Variants in WDR37 observed in about 807,000 individuals in gnomAD.
WDR37 encodes WD repeat-containing protein 37.
Under a neutral mutation model 62.9 loss-of-function variants are expected in WDR37, and 19 were observed. The ratio of observed to expected loss-of-function variants is 0.30; its 90% confidence interval spans 0.21 to 0.44. The LOEUF is 0.44. WDR37 is among the 20% of genes least tolerant of loss of function. The probability of loss-of-function intolerance (pLI) is 1.00; values close to 1 mark genes in which losing one functional copy is unlikely to be tolerated. For missense variants in WDR37, 474 were observed against 657.6 expected (o/e 0.72, Z 3.05); for synonymous variants, 250 against 260.9 (o/e 0.96, Z 0.40).
chr10:1,095,745 GC>G (rs1834554894), intron 8 of WDR37, among the ~76,000 whole-genome samples: 1 of 152,208 alleles, frequency 6.6e-6, no homozygotes, highest in Non-Finnish European at 1.5e-5. Flanking sequence ...GCTGATAGGT[GC>G]CTGGCCCATT....
chr10:1,058,266 G>T (rs1326854157), intron 1 of WDR37, among the ~76,000 whole-genome samples: 1 of 152,176 alleles, frequency 6.6e-6, no homozygotes, highest in Non-Finnish European at 1.5e-5. Context: ...CTCTAACATG[G>T]TGTTCATATC....
intron 11 of WDR37, among the ~76,000 whole-genome samples, chr10:1,108,529 C>T (rs1401238710): frequency 6.6e-6 from 1 of 152,220 alleles, no homozygotes; most frequent in African/African-American, 2.4e-5. Flanking sequence ...CGACACTATT[C>T]TATGGATGTT....
At chr10:1,112,301 C>G (rs560123564) in intron 11 of WDR37, among the ~76,000 whole-genome samples, 1 of 152,264 alleles carries the variant, frequency 6.6e-6, no homozygotes, top group Admixed American at 6.5e-5. Context: ...TTTTGAGGCC[C>G]TGGGAACCTT....
chr10:1,094,821 T>C, intron 8 of WDR37, among the ~76,000 whole-genome samples: 1 of 150,540 alleles, frequency 6.6e-6, no homozygotes, highest in African/African-American at 2.4e-5. Context: ...CGTGAGGTAA[T>C]GGACATAGAG....
chr10:1,104,209 TC>T (rs1834912089), intron 10 of WDR37, among the ~76,000 whole-genome samples: 1 of 152,208 alleles, frequency 6.6e-6, no homozygotes, highest in Non-Finnish European at 1.5e-5. Flanking sequence ...CCCTGGGCCC[TC>T]AAAGACCTAA....
rs563205221 is a variant in WDR37 at position 1,124,650 on chromosome 10, A to G, written c.1239-260A>G. On this transcript the variant is annotated intron_variant, in intron 12 of 13. Coordinates refer to ENST00000263150, the MANE Select transcript of WDR37 (RefSeq NM_014023.4). ...GTGTCTGGGTGGGTCTGGTTCTACC[A>G]TTGAGCAGTGTGTGTGTGTGTGTGT... is the stretch of plus-strand genomic sequence containing the variant. 4.7e-3 allele frequency among the ~76,000 whole-genome samples: 535 copies of G among 114,632 alleles called. 3 individuals carry two copies. Among genetic ancestry groups the G allele is most frequent in the African/African-American group, 0.015 (492 of 33,194 alleles). The allele number at this position is 114,632 out of a possible 152,430, so 75.2% of individuals were successfully genotyped here.
intron 1 of WDR37, among the ~76,000 whole-genome samples, chr10:1,065,757 G>T (rs572886501): frequency 6.6e-6 from 1 of 152,178 alleles, no homozygotes; most frequent in Non-Finnish European, 1.5e-5. Context: ...ATTTTCACCC[G>T]AATATTCAGG....
At chr10:1,061,672 C>T (rs1237617282) in intron 1 of WDR37, among the ~76,000 whole-genome samples, 1 of 152,118 alleles carries the variant, frequency 6.6e-6, no homozygotes, top group Non-Finnish European at 1.5e-5. Context: ...AACCCCGTCT[C>T]TCTTAAAAAT....
chr10:1,091,905 G>C (rs987645894), intron 7 of WDR37, among the ~76,000 whole-genome samples: 1 of 152,192 alleles, frequency 6.6e-6, no homozygotes, highest in Non-Finnish European at 1.5e-5. Flanking sequence ...GATAGGCCGG[G>C]CGCGGTGGCT....
chr10:1,121,917 C>T lies in WDR37; in HGVS notation c.1104-2301C>T, dbSNP rs968816037. ...AGAGCGTGTTGCCAGGTGTTGTTGACGCACCTTGATTCTCAGTAGCTTTGC... is the reference window on the plus strand; with the variant it reads ...AGAGCGTGTTGCCAGGTGTTGTTGATGCACCTTGATTCTCAGTAGCTTTGC... On this transcript the variant is annotated intron_variant, in intron 11 of 13. Transcript: ENST00000263150. This position sits in a 1 kb window ranked among gnomAD's most constrained non-coding sequence, Gnocchi z 4.5. Among the ~76,000 whole-genome samples the T allele has an allele frequency of 2.6e-5, 4 of 152,048 alleles. No homozygotes were observed. Among genetic ancestry groups the T allele is most frequent in the South Asian group, 2.1e-4 (1 of 4,812 alleles).
At chr10:1,058,344 A>G (rs1833268628) in intron 1 of WDR37, among the ~76,000 whole-genome samples, 1 of 152,232 alleles carries the variant, frequency 6.6e-6, no homozygotes, top group African/African-American at 2.4e-5. Flanking sequence ...AAAGTGCTGT[A>G]TACAGGAGAT....
chr10:1,099,077 GA>G (rs1834701065), intron 9 of WDR37, among the ~76,000 whole-genome samples: 1 of 152,228 alleles, frequency 6.6e-6, no homozygotes, highest in East Asian at 1.9e-4. Context: ...GGTAACAAAA[GA>G]TGTGTATTGA....
intron 2 of WDR37, among the ~76,000 whole-genome samples, chr10:1,076,968 C>G (rs1833897514): frequency 6.6e-6 from 1 of 150,560 alleles, no homozygotes; most frequent in African/African-American, 2.5e-5. Flanking sequence ...CCATTGCACT[C>G]CAGCCTGGGT....
intron 1 of WDR37, among the ~76,000 whole-genome samples, chr10:1,068,175 C>G: frequency 6.6e-6 from 1 of 152,100 alleles, no homozygotes; most frequent in East Asian, 1.9e-4. Flanking sequence ...AGTAGGGTGA[C>G]TATCCTTAAG....
intron 11 of WDR37, among the ~76,000 whole-genome samples, chr10:1,120,005 A>AT (rs2131685577): frequency 6.6e-6 from 1 of 152,186 alleles, no homozygotes; most frequent in South Asian, 2.1e-4. Flanking sequence ...TACATACTTG[A>AT]TTTTTGCTTT....
At chr10:1,104,990 A>G in intron 10 of WDR37, 136 bp from the exon 11 acceptor site, 1 of 1,077,418 alleles carries the variant, frequency 9.3e-7, no homozygotes, top group South Asian at 2.2e-5. Context: ...TGTGACCCAC[A>G]TGCTGCTGAG....
chr10:1,074,646 T>C (rs1282799392), intron 2 of WDR37: 1 of 685,450 alleles, frequency 1.5e-6, no homozygotes, highest in African/African-American at 1.9e-5. Context: ...TTTGGCATGG[T>C]AGGTGTGAGG....
Position 1,103,368 on chromosome 10 carries a change from A to C in WDR37, c.727-234A>C, listed in dbSNP as rs1344022151. On this transcript the variant is annotated intron_variant, in intron 9 of 13. Coordinates refer to ENST00000263150, the MANE Select transcript of WDR37 (RefSeq NM_014023.4). This position sits in a 1 kb window ranked among gnomAD's most constrained non-coding sequence, Gnocchi z 6.3. ...TTCGGTTGACAATGTTGTGGATTCC[A>C]CTTTTTTTTCTGTACGAGATGGTCG... is the stretch of plus-strand genomic sequence containing the variant. Among the ~76,000 whole-genome samples the C allele has an allele frequency of 1.3e-5, 2 of 152,080 alleles. No individual in the cohort carries two copies. Among genetic ancestry groups the C allele is most frequent in the Non-Finnish European group, 2.9e-5 (2 of 68,018 alleles).
intron 2 of WDR37, among the ~76,000 whole-genome samples, chr10:1,072,861 C>A (rs1833767973): frequency 6.6e-6 from 1 of 152,118 alleles, no homozygotes; most frequent in Admixed American, 6.5e-5. Flanking sequence ...TAGTTTTATT[C>A]TTTGTACAGG....
Sources: allele counts gnomAD v4.1 joint callset (sites outside exome capture counted in the v4.1 genomes callset), GRCh38; gene constraint gnomAD v4.1.1; non-coding constraint Gnocchi (gnomAD v3.1); transcripts MANE v1.5; gene names NCBI Gene and HGNC (gene_info 2026-07-23, HGNC 2026-07-21).